RALGPS1: variants seen among roughly 807,000 people sequenced by gnomAD.
The protein encoded by RALGPS1 is Ral GEF with PH domain and SH3 binding motif 1.
A neutral mutation model predicts 78.8 loss-of-function variants in RALGPS1; 19 were observed. The ratio of observed to expected loss-of-function variants is 0.24; its 90% CI spans 0.17 to 0.35. The LOEUF is 0.35. Among genes scored for constraint, RALGPS1 ranks in the 10% least tolerant of loss-of-function variants. RALGPS1 has a pLI of 1.00. For missense variants in RALGPS1, 454 were observed against 688.3 expected, an observed-to-expected ratio of 0.66 and a Z score of 3.81; for synonymous variants, 228 against 256.3, an observed-to-expected ratio of 0.89 and a Z score of 1.06.
intron 1 of RALGPS1, among the ~76,000 whole-genome samples, chr9:126,932,552 G>T (rs1186000929): frequency 1.3e-5 from 2 of 152,044 alleles, no homozygotes; most frequent in Non-Finnish European, 2.9e-5. Context: ...TCCCATGATG[G>T]AATACTGTAG....
chr9:127,050,053 G>T lies in RALGPS1; in HGVS notation c.311G>T (p.Trp104Leu). The change falls in exon 6 of 19, where the codon TGG (tryptophan) becomes TTG (leucine). Residue 104 changes from tryptophan to leucine, a missense_variant. Coordinates refer to ENST00000259351, the MANE Select transcript of RALGPS1 (RefSeq NM_014636.3). ...FTRRFNQVSF[W>L]VVREILTAQT... is the part of the protein sequence containing the mutation. ...TATTTGACTCTACAGGTCAGTTTTT[G>T]GGTTGTACGAGAAATTCTAACAGCA... is the stretch of plus-strand genomic sequence containing the variant. 6.2e-7 allele frequency: 1 copy of T among 1,613,252 alleles called. No individual in the cohort carries two copies. The highest frequency in any genetic ancestry group is 8.5e-7 in the Non-Finnish European group (1 of 1,179,192).
In RALGPS1 at chr9:127,163,934, A is replaced by G. The variant is rs182642327; in HGVS notation, c.611-2135A>G. 3.5e-3 allele frequency among the ~76,000 whole-genome samples: 533 copies of G among 152,334 alleles called. 2 individuals carry two copies. The highest frequency in any genetic ancestry group is 0.02 in the Middle Eastern group (6 of 294). ...CTGATTACCATTTTGGTCAGAACCC[A>G]TAAGTTTTGATATGTAGTATTCTCC... is the stretch of plus-strand genomic sequence containing the variant. On this transcript the variant is annotated intron_variant, in intron 8 of 18. Coordinates refer to ENST00000259351, the MANE Select transcript of RALGPS1 (RefSeq NM_014636.3).
At chr9:127,081,869 T>C (rs1229797613) in intron 8 of RALGPS1, among the ~76,000 whole-genome samples, 2 of 152,232 alleles carry the variant, frequency 1.3e-5, no homozygotes, top group Non-Finnish European at 2.9e-5. Flanking sequence ...AGGTGCCGCA[T>C]GTGGCAGCGC....
In RALGPS1 at chr9:127,176,008, AG is replaced by A. The variant is rs961219768; in HGVS notation, c.910+1232del. Among the ~76,000 whole-genome samples, 9 of 152,180 alleles carry A rather than the reference AG, an allele frequency of 5.9e-5. No homozygotes were observed. The South Asian group carries it at 1.9e-3, about 32-fold the overall frequency. ...CCAGTAAGGCTCTGCCCTGATTCCC[AG>A]GGGGGACTCCGGGCTGCTTGCCTTT... On this transcript the variant is annotated intron_variant, in intron 11 of 18. Coordinates refer to ENST00000259351, the MANE Select transcript of RALGPS1 (RefSeq NM_014636.3).
intron 8 of RALGPS1, among the ~76,000 whole-genome samples, chr9:127,116,446 G>T (rs2055429770): frequency 6.6e-6 from 1 of 152,242 alleles, no homozygotes; most frequent in Non-Finnish European, 1.5e-5. Context: ...TCTGTGCACT[G>T]AGGCCTCTGT....
chr9:126,998,803 T>C lies in RALGPS1; in HGVS notation c.216+21058T>C, dbSNP rs373593321. ...ACAACGATAGACTGGATTAAGAAAA[T>C]GTGGCACATATACACCATGGAATAC... On this transcript the variant is annotated intron_variant, in intron 4 of 18. Transcript: ENST00000259351. Among the ~76,000 whole-genome samples, 57 of 151,432 alleles carry C rather than the reference T, an allele frequency of 3.8e-4. No homozygotes were observed. In the East Asian group the frequency reaches 6.4e-3, roughly 17 times the overall value.
chr9:127,050,742 G>T (rs932705205), intron 6 of RALGPS1, among the ~76,000 whole-genome samples: 3 of 152,014 alleles, frequency 2.0e-5, no homozygotes, highest in African/African-American at 4.8e-5. Flanking sequence ...CTGGAGTACT[G>T]TCACGCCCAG....
chr9:127,125,893 A>G (rs974138194), intron 8 of RALGPS1, among the ~76,000 whole-genome samples: 1 of 152,236 alleles, frequency 6.6e-6, no homozygotes, highest in African/African-American at 2.4e-5. Flanking sequence ...AAATGACACA[A>G]TTCGTAAGAA....
In RALGPS1 at chr9:127,218,222, C is replaced by G. The variant is rs1159769840; in HGVS notation, c.1645-518C>G. Reference sequence around the variant, plus strand: ...CCAGTAAAGGGGTCTAGGATCTTGTCCTGAGGGCAGAGCTGTGGGAAGGTC... The same window carrying G: ...CCAGTAAAGGGGTCTAGGATCTTGTGCTGAGGGCAGAGCTGTGGGAAGGTC... On this transcript the variant is annotated intron_variant, in intron 18 of 18. Coordinates refer to ENST00000259351, the MANE Select transcript of RALGPS1 (RefSeq NM_014636.3). This position sits in a 1 kb window ranked among gnomAD's most constrained non-coding sequence, Gnocchi z 4.4. 6.6e-6 allele frequency among the ~76,000 whole-genome samples: 1 copy of G among 152,144 alleles called. No homozygotes were observed. Among genetic ancestry groups the G allele is most frequent in the Non-Finnish European group, 1.5e-5 (1 of 68,028 alleles).
chr9:127,067,706 A>G (rs1274388134), intron 7 of RALGPS1, among the ~76,000 whole-genome samples: 1 of 151,912 alleles, frequency 6.6e-6, no homozygotes, highest in Non-Finnish European at 1.5e-5. Flanking sequence ...GGCCAAAGGG[A>G]CTCCAACCCT....
chr9:126,996,411 C>T (rs566608222), intron 4 of RALGPS1, among the ~76,000 whole-genome samples: 79 of 152,296 alleles, frequency 5.2e-4, no homozygotes, highest in African/African-American at 1.8e-3. Context: ...CACCTCTACG[C>T]AAATAAACTA....
chr9:126,982,706 G>A (rs1224591311), intron 4 of RALGPS1, among the ~76,000 whole-genome samples: 2 of 151,796 alleles, frequency 1.3e-5, no homozygotes, highest in African/African-American at 4.8e-5. Flanking sequence ...CCCCTGCCCT[G>A]CTGTTCTCCT....
intron 8 of RALGPS1, among the ~76,000 whole-genome samples, chr9:127,130,812 T>A (rs1379845942): frequency 1.3e-5 from 2 of 152,310 alleles, no homozygotes; most frequent in East Asian, 3.9e-4. Flanking sequence ...AGTGTTGACC[T>A]TTGGCCAGTC....
At chr9:127,021,621 CT>C (rs1320450773) in intron 4 of RALGPS1, among the ~76,000 whole-genome samples, 1 of 135,854 alleles carries the variant, frequency 7.4e-6, no homozygotes, top group Non-Finnish European at 1.6e-5. Flanking sequence ...AGTTTTTCTT[CT>C]TCTTCTTTTT....
intron 4 of RALGPS1, among the ~76,000 whole-genome samples, chr9:127,007,126 A>G (rs149418195): frequency 2.7e-3 from 410 of 152,340 alleles, no homozygotes; most frequent in African/African-American, 9.3e-3. Flanking sequence ...CAGGGACCAC[A>G]TCTGTGTGTC....
intron 8 of RALGPS1, among the ~76,000 whole-genome samples, chr9:127,111,228 T>C (rs994471574): frequency 6.6e-6 from 1 of 152,204 alleles, no homozygotes; most frequent in African/African-American, 2.4e-5. Flanking sequence ...TTCCCTTACC[T>C]CTTTCAATCT....
intron 4 of RALGPS1, among the ~76,000 whole-genome samples, chr9:126,998,066 C>A (rs2042940767): frequency 6.6e-6 from 1 of 152,072 alleles, no homozygotes; most frequent in South Asian, 2.1e-4. Flanking sequence ...CCATAAAAAC[C>A]CTAGAAGAAA....
intron 4 of RALGPS1, chr9:126,978,399 T>C (rs780322446): frequency 6.6e-6 from 1 of 151,610 alleles, no homozygotes; most frequent in Non-Finnish European, 1.5e-5. Flanking sequence ...TTCCTGGAAA[T>C]GTTTGGCAAT....
At chr9:127,077,580 A>T (rs2050785994) in intron 8 of RALGPS1, among the ~76,000 whole-genome samples, 1 of 152,314 alleles carries the variant, frequency 6.6e-6, no homozygotes, top group African/African-American at 2.4e-5. Flanking sequence ...CCTAGGACCA[A>T]GGTGCAGTAG....
Sources: allele counts gnomAD v4.1 joint callset (sites outside exome capture counted in the v4.1 genomes callset), GRCh38; gene constraint gnomAD v4.1.1; non-coding constraint Gnocchi (gnomAD v3.1); transcripts MANE v1.5; gene names NCBI Gene and HGNC (gene_info 2026-07-23, HGNC 2026-07-21).